Variants in KHDRBS3 observed in about 807,000 individuals in gnomAD.
KHDRBS3 encodes the protein KH RNA binding domain containing, signal transduction associated 3.
In KHDRBS3, 23 loss-of-function variants were observed where a neutral mutation model predicts 45.6. That is an observed-to-expected ratio of 0.50 (90% confidence interval 0.36 to 0.72). The LOEUF (loss-of-function observed/expected upper bound fraction) is 0.72, where lower values mean the gene tolerates loss of function less well. Among genes scored for constraint, KHDRBS3 ranks in the 30% least tolerant of loss-of-function variants. The pLI is 0.00. For synonymous variants in KHDRBS3, 162 were observed against 156.5 expected (o/e 1.04, Z -0.26); for missense variants, 352 against 424.8 (o/e 0.83, Z 1.51).
At chr8:135,510,007 G>C (rs1824196915) in intron 1 of KHDRBS3, among the ~76,000 whole-genome samples, 1 of 132,366 alleles carries the variant, frequency 7.6e-6, no homozygotes, top group South Asian at 2.4e-4. Flanking sequence ...AAAGACCTGA[G>C]TCTCTCTCTC....
chr8:135,611,410 C>T (rs2131046013), intron 7 of KHDRBS3, among the ~76,000 whole-genome samples: 1 of 152,076 alleles, frequency 6.6e-6, no homozygotes, highest in African/African-American at 2.4e-5. Context: ...GCACTCTTAG[C>T]TTACACTGAA....
At position 135,579,499 on chromosome 8, in the gene KHDRBS3, T is replaced by A. The variant is rs1025313859; in HGVS notation, c.612-2379T>A. ...ACAGGCGTGTATCACCACGCCTGGC[T>A]AATTTTTGTCTTTTTTCAGTAGAGA... is the stretch of plus-strand genomic sequence containing the variant. On this transcript the variant is annotated intron_variant, in intron 5 of 8. Coordinates refer to ENST00000355849, the MANE Select transcript of KHDRBS3 (RefSeq NM_006558.3). Among the ~76,000 whole-genome samples, 75 of 152,264 alleles carry A rather than the reference T, an allele frequency of 4.9e-4. 1 individual carries two copies. Among genetic ancestry groups the A allele is most frequent in the African/African-American group, 1.8e-3 (73 of 41,562 alleles).
chr8:135,509,469 G>A (rs1328403970), intron 1 of KHDRBS3, among the ~76,000 whole-genome samples: 1 of 152,166 alleles, frequency 6.6e-6, no homozygotes, highest in Non-Finnish European at 1.5e-5. Context: ...CAACTTGTTA[G>A]ATTCCTTCTA....
At chr8:135,597,393 C>T (rs903744816) in intron 6 of KHDRBS3, among the ~76,000 whole-genome samples, 6 of 151,758 alleles carry the variant, frequency 4.0e-5, no homozygotes, top group African/African-American at 1.5e-4. Context: ...ACCACAGCAC[C>T]CCTCTACCTC....
intron 2 of KHDRBS3, among the ~76,000 whole-genome samples, chr8:135,535,802 A>G (rs1825717296): frequency 6.6e-6 from 1 of 152,180 alleles, no homozygotes; most frequent in South Asian, 2.1e-4. Flanking sequence ...TGGGAAGTCC[A>G]AGGTCAAGGC....
rs60054576 is a variant in KHDRBS3 at position 135,621,704 on chromosome 8, C to CA, written c.890+14681dup. Among the ~76,000 whole-genome samples the CA allele has an allele frequency of 5.5e-3, 735 of 133,264 alleles. 10 individuals are homozygous for CA. Among genetic ancestry groups the CA allele is most frequent in the African/African-American group, 0.019 (654 of 35,224 alleles). The allele number at this position is 133,264 out of a possible 152,430, so 87.4% of individuals were successfully genotyped here. ...AAGGAAGTTTTTGTGCAGAAGAGCA[C>CA]AAAAAAAAAAAAAACGTGCAGTGGT... On this transcript the variant is annotated intron_variant, in intron 7 of 8. Coordinates refer to ENST00000355849, the MANE Select transcript of KHDRBS3 (RefSeq NM_006558.3).
intron 1 of KHDRBS3, among the ~76,000 whole-genome samples, chr8:135,465,645 G>A (rs1042821172): frequency 6.6e-6 from 1 of 152,132 alleles, no homozygotes; most frequent in African/African-American, 2.4e-5. Context: ...TTTTAAGACT[G>A]CATATCTTAA....
intron 2 of KHDRBS3, chr8:135,540,426 G>A (rs967367951): frequency 6.6e-6 from 1 of 152,224 alleles, no homozygotes; most frequent in African/African-American, 2.4e-5. Flanking sequence ...AAAGGTATAA[G>A]GAGTAGTTAG....
chr8:135,597,648 T>C (rs1182337244), intron 6 of KHDRBS3, among the ~76,000 whole-genome samples: 1 of 152,170 alleles, frequency 6.6e-6, no homozygotes, highest in East Asian at 1.9e-4. Context: ...TGTTTTGTTT[T>C]GTTTGTGTTG....
chr8:135,510,007 G>GTC (rs1384908235), intron 1 of KHDRBS3, among the ~76,000 whole-genome samples: 2 of 132,366 alleles, frequency 1.5e-5, no homozygotes, highest in South Asian at 2.4e-4. Context: ...AAAGACCTGA[G>GTC]TCTCTCTCTC....
At chr8:135,563,535 T>C (rs1302733951) in intron 5 of KHDRBS3, among the ~76,000 whole-genome samples, 1 of 152,242 alleles carries the variant, frequency 6.6e-6, no homozygotes, top group African/African-American at 2.4e-5. Flanking sequence ...TTATTCACGT[T>C]GTCATTGGTT....
intron 2 of KHDRBS3, among the ~76,000 whole-genome samples, chr8:135,533,694 G>A (rs1263895371): frequency 1.3e-5 from 2 of 152,128 alleles, no homozygotes; most frequent in South Asian, 2.1e-4. Context: ...CTGTTAAACT[G>A]ATTTGAGATA....
intron 7 of KHDRBS3, among the ~76,000 whole-genome samples, chr8:135,621,650 A>G (rs2131090298): frequency 6.6e-6 from 1 of 152,120 alleles, no homozygotes; most frequent in Non-Finnish European, 1.5e-5. Context: ...GTTGTCAGTA[A>G]TAGATGACCA....
chr8:135,579,744 A>T (rs1366242778), intron 5 of KHDRBS3, among the ~76,000 whole-genome samples: 2 of 152,044 alleles, frequency 1.3e-5, no homozygotes, highest in Non-Finnish European at 2.9e-5. Context: ...TGATTTTCCT[A>T]CTTTGGCCTT....
intron 2 of KHDRBS3, among the ~76,000 whole-genome samples, chr8:135,526,418 A>G (rs1364214371): frequency 6.6e-6 from 1 of 152,130 alleles, no homozygotes; most frequent in Admixed American, 6.5e-5. Context: ...CAATGTCTGA[A>G]GTAGACCATT....
At chr8:135,565,860 C>T (rs11166603) in intron 5 of KHDRBS3, among the ~76,000 whole-genome samples, 10,972 of 152,194 alleles carry the variant, frequency 0.072, 471 homozygotes, top group East Asian at 0.19. Flanking sequence ...ATTCAGTTAC[C>T]TTTCTTCAAG....
At chr8:135,595,591 C>A (rs1828937971) in intron 6 of KHDRBS3, among the ~76,000 whole-genome samples, 1 of 152,190 alleles carries the variant, frequency 6.6e-6, no homozygotes, top group African/African-American at 2.4e-5. Flanking sequence ...ATAGCTTGTT[C>A]TTAACATTTT....
In KHDRBS3 at chr8:135,513,360, G is replaced by T. The variant is rs1038869368; in HGVS notation, c.89-7877G>T. 2.3e-4 allele frequency among the ~76,000 whole-genome samples: 35 copies of T among 152,270 alleles called. 1 individual carries two copies. Among genetic ancestry groups the T allele is most frequent in the African/African-American group, 8.2e-4 (34 of 41,552 alleles). ...CCTATATAGAACTTAACTGGACCAGGTATTGTTGTTCTTTGCAAATATTAA... is the reference window on the plus strand; with the variant it reads ...CCTATATAGAACTTAACTGGACCAGTTATTGTTGTTCTTTGCAAATATTAA... On this transcript the variant is annotated intron_variant, in intron 1 of 8. Transcript: ENST00000355849.
intron 1 of KHDRBS3, among the ~76,000 whole-genome samples, chr8:135,470,397 C>T (rs1245263582): frequency 2.0e-5 from 3 of 151,998 alleles, no homozygotes; most frequent in African/African-American, 7.2e-5. Flanking sequence ...TGCTGCCCAT[C>T]GTTTGGTGTA....
Sources: gnomAD v4.1 joint callset for allele counts (sites outside exome capture counted in the v4.1 genomes callset) on GRCh38, gnomAD v4.1.1 for gene constraint, MANE v1.5 for transcripts, NCBI Gene and HGNC (gene_info 2026-07-23, HGNC 2026-07-21) for gene names.